The following B3GALT1 variants were observed in gnomAD, a reference collection of about 807,000 sequenced individuals.
The protein encoded by B3GALT1 is beta-1,3-galactosyltransferase 1, also known as UDP-Gal:betaGlcNAc beta 1,3-galactosyltransferase, polypeptide 1.
In B3GALT1, 10 loss-of-function variants were observed where a neutral mutation model predicts 23.2. The observed-to-expected ratio is 0.43, with a 90% CI of 0.27 to 0.73. B3GALT1 has a LOEUF of 0.73. Ranked by LOEUF, B3GALT1 falls within the 30% of genes least tolerant of loss-of-function variation. The pLI, the probability that B3GALT1 is intolerant of heterozygous loss-of-function variation, is 0.21. For synonymous variants in B3GALT1, 156 were observed against 141.5 expected (o/e 1.10, Z -0.73); for missense variants, 299 against 405.4 (o/e 0.74, Z 2.25).
chr2:167,400,465 T>A (rs1465790083), intron 1 of B3GALT1, among the ~76,000 whole-genome samples: 2 of 152,108 alleles, frequency 1.3e-5, no homozygotes, highest in Non-Finnish European at 2.9e-5. Context: ...ATTATTCCAT[T>A]ATGTTTTATC....
intron 3 of B3GALT1, among the ~76,000 whole-genome samples, chr2:167,808,164 C>T (rs1370323498): frequency 4.6e-5 from 7 of 150,934 alleles, no homozygotes; most frequent in Non-Finnish European, 7.4e-5. Flanking sequence ...GGTAGATCTT[C>T]CTCCATCCCT....
intron 2 of B3GALT1, among the ~76,000 whole-genome samples, chr2:167,559,332 TAGATAAAA>T (rs1683921120): frequency 6.6e-6 from 1 of 151,750 alleles, no homozygotes; most frequent in South Asian, 2.1e-4. Flanking sequence ...AGACCAAAAG[TAGATAAAA>T]CCACAAAGAT....
At chr2:167,730,375 A>C (rs984933622) in intron 3 of B3GALT1, among the ~76,000 whole-genome samples, 1 of 152,170 alleles carries the variant, frequency 6.6e-6, no homozygotes, top group Non-Finnish European at 1.5e-5. Flanking sequence ...TCACTAGCAA[A>C]GTGTTGTTTT....
At chr2:167,466,480 C>T (rs2105328417) in intron 1 of B3GALT1, among the ~76,000 whole-genome samples, 1 of 151,184 alleles carries the variant, frequency 6.6e-6, no homozygotes. Context: ...CTTAGCCAGG[C>T]ATGGTGGCAC....
intron 2 of B3GALT1, among the ~76,000 whole-genome samples, chr2:167,494,908 T>A (rs1400298463): frequency 6.6e-6 from 1 of 152,142 alleles, no homozygotes; most frequent in Non-Finnish European, 1.5e-5. Context: ...GGCCCTGGTA[T>A]CTGATTTCTT....
chr2:167,452,393 G>A (rs764784319), intron 1 of B3GALT1, among the ~76,000 whole-genome samples: 11 of 152,040 alleles, frequency 7.2e-5, no homozygotes, highest in South Asian at 2.1e-4. Flanking sequence ...TTCTATCCCT[G>A]TATTTCACTC....
intron 1 of B3GALT1, among the ~76,000 whole-genome samples, chr2:167,435,821 A>G (rs1698774824): frequency 6.6e-6 from 1 of 152,046 alleles, no homozygotes; most frequent in Non-Finnish European, 1.5e-5. Context: ...CATCCTTGTA[A>G]GTGATTCAGT....
intron 2 of B3GALT1, among the ~76,000 whole-genome samples, chr2:167,521,204 C>T (rs1457691705): frequency 6.6e-6 from 1 of 152,104 alleles, no homozygotes; most frequent in African/African-American, 2.4e-5. Context: ...TAGTAGAATT[C>T]AAGTTGCTCT....
At chr2:167,333,508 A>G (rs1283843784) in intron 1 of B3GALT1, among the ~76,000 whole-genome samples, 2 of 152,236 alleles carry the variant, frequency 1.3e-5, no homozygotes, top group African/African-American at 4.8e-5. Flanking sequence ...TGATCGTTGA[A>G]TCATGATTCT....
chr2:167,848,552 G>C (rs1409274258), intron 4 of B3GALT1, among the ~76,000 whole-genome samples: 1 of 152,114 alleles, frequency 6.6e-6, no homozygotes, highest in East Asian at 1.9e-4. Context: ...ATCTCTTTAT[G>C]ATTAAAACTC....
chr2:167,300,716 G>A (rs1696430935), intron 1 of B3GALT1, among the ~76,000 whole-genome samples: 1 of 152,138 alleles, frequency 6.6e-6, no homozygotes, highest in African/African-American at 2.4e-5. Context: ...ATAATTATTT[G>A]TGAAAAATGT....
intron 4 of B3GALT1, among the ~76,000 whole-genome samples, chr2:167,838,680 G>C (rs1256335581): frequency 6.6e-6 from 1 of 152,280 alleles, no homozygotes; most frequent in Non-Finnish European, 1.5e-5. Flanking sequence ...CATTTTATGA[G>C]GCCAGCATCA....
chr2:167,396,934 C>G (rs1382534970), intron 1 of B3GALT1, among the ~76,000 whole-genome samples: 3 of 152,074 alleles, frequency 2.0e-5, no homozygotes, highest in East Asian at 1.9e-4. Flanking sequence ...CAACAGCATC[C>G]TTGTGGTATT....
chr2:167,592,681 G>C (rs1291318577), intron 2 of B3GALT1, among the ~76,000 whole-genome samples: 2 of 152,242 alleles, frequency 1.3e-5, no homozygotes, highest in Middle Eastern at 3.4e-3. Context: ...TTGTTCTTCA[G>C]TCCTCCAGTC....
At position 167,615,654 on chromosome 2, in the gene B3GALT1, A is replaced by T. The variant is rs1194135058; in HGVS notation, c.-409-31255A>T. On this transcript the variant is annotated intron_variant, in intron 2 of 4. Coordinates refer to ENST00000392690, the MANE Select transcript of B3GALT1 (RefSeq NM_020981.4). The stretch of plus-strand genomic sequence containing the variant: ...ATATACAATTTTTGTCAATTAAAAA[A>T]TAAAAAAAAATTGAAAAGCAAACAA... 3.3e-5 allele frequency among the ~76,000 whole-genome samples: 5 copies of T among 152,050 alleles called. No homozygotes were observed. The East Asian group carries it at 7.7e-4, about 24-fold the overall frequency.
intron 3 of B3GALT1, among the ~76,000 whole-genome samples, chr2:167,779,833 C>T (rs374410925): frequency 6.2e-4 from 95 of 152,272 alleles, no homozygotes; most frequent in African/African-American, 2.0e-3. Flanking sequence ...TCAGAGTAAT[C>T]GCTGAATGAT....
chr2:167,321,028 CTTTG>C (rs757992786), intron 1 of B3GALT1, among the ~76,000 whole-genome samples: 1 of 151,594 alleles, frequency 6.6e-6, no homozygotes, highest in Non-Finnish European at 1.5e-5. Flanking sequence ...AGAAAATGAA[CTTTG>C]TTTGAAAAGT....
intron 3 of B3GALT1, among the ~76,000 whole-genome samples, chr2:167,660,234 A>C (rs921638377): frequency 3.3e-5 from 5 of 152,086 alleles, no homozygotes; most frequent in Non-Finnish European, 7.4e-5. Context: ...AAACCCTGGA[A>C]GTTATTATAG....
intron 1 of B3GALT1, among the ~76,000 whole-genome samples, chr2:167,412,776 G>A (rs1170388845): frequency 6.6e-6 from 1 of 152,052 alleles, no homozygotes; most frequent in Non-Finnish European, 1.5e-5. Context: ...TCATCAAATG[G>A]CATGTATAAG....
Sources: allele counts gnomAD v4.1 joint callset (sites outside exome capture counted in the v4.1 genomes callset), GRCh38; gene constraint gnomAD v4.1.1; transcripts MANE v1.5; gene names NCBI Gene and HGNC (gene_info 2026-07-23, HGNC 2026-07-21).